Variants in ASTN1 observed in about 807,000 individuals in gnomAD.
ASTN1 encodes astrotactin 1.
ASTN1 carries 41 observed loss-of-function variants against 140.7 expected under a neutral mutation model. That is an observed-to-expected ratio of 0.29 (90% CI 0.23 to 0.38). The LOEUF (loss-of-function observed/expected upper bound fraction) is 0.38. ASTN1 is among the 10% of genes least tolerant of loss of function. The pLI is 1.00. For synonymous variants in ASTN1, 640 were observed against 652.2 expected (o/e 0.98, Z 0.29); for missense variants, 1,479 against 1,678.8 (o/e 0.88, Z 2.08).
At chr1:177,156,964 A>G (rs1683265846) in intron 1 of ASTN1, among the ~76,000 whole-genome samples, 1 of 152,234 alleles carries the variant, frequency 6.6e-6, no homozygotes, top group Non-Finnish European at 1.5e-5. Flanking sequence ...GTACCTGACT[A>G]GTATTCTTCA....
chr1:177,044,559 C>T (rs1008029353), intron 2 of ASTN1, among the ~76,000 whole-genome samples: 8 of 152,208 alleles, frequency 5.3e-5, no homozygotes, highest in East Asian at 3.9e-4. Flanking sequence ...GGAAATTGAG[C>T]GGCAGCTCTT....
At chr1:177,131,566 G>A (rs1681943780) in intron 1 of ASTN1, among the ~76,000 whole-genome samples, 1 of 151,806 alleles carries the variant, frequency 6.6e-6, no homozygotes, top group Non-Finnish European at 1.5e-5. Context: ...GGAAATTTGT[G>A]TATATTAAAT....
intron 8 of ASTN1, among the ~76,000 whole-genome samples, chr1:176,966,778 T>C (rs1285173053): frequency 6.6e-6 from 1 of 151,908 alleles, no homozygotes; most frequent in Non-Finnish European, 1.5e-5. Flanking sequence ...TTTATTGTAA[T>C]GGAGCATTAA....
intron 8 of ASTN1, chr1:176,976,009 C>T (rs981356395): frequency 1.3e-5 from 2 of 152,066 alleles, no homozygotes; most frequent in African/African-American, 2.4e-5. Context: ...TCACTGGAAC[C>T]CATTTTTTAA....
chr1:176,957,804 G>T lies in ASTN1; in HGVS notation c.1761C>A (p.Ser587=), dbSNP rs1672477881. The part of the protein sequence containing the change: ...EVREELMTSS[S]FDSLEVLLDS... ...CTAAGAGAACCTCCAGGCTGTCGAA[G>T]GAGGATGAAGTCATCAGCTCCTCTC... The change falls in exon 11 of 23, where the codon TCC becomes TCA. Residue 587 remains serine (S), a synonymous_variant. Transcript: ENST00000361833. 6.2e-7 allele frequency: 1 copy of T among 1,613,984 alleles called. No individual in the cohort carries two copies. The highest frequency in any genetic ancestry group is 8.5e-7 in the Non-Finnish European group (1 of 1,179,938).
At chr1:176,933,414 C>T (rs1240558188) in intron 16 of ASTN1, among the ~76,000 whole-genome samples, 1 of 152,228 alleles carries the variant, frequency 6.6e-6, no homozygotes, top group African/African-American at 2.4e-5. Flanking sequence ...TTGGCCTCAT[C>T]AGAATGCCAT....
intron 8 of ASTN1, among the ~76,000 whole-genome samples, chr1:177,009,203 G>C (rs1001224549): frequency 6.6e-6 from 1 of 152,156 alleles, no homozygotes; most frequent in Non-Finnish European, 1.5e-5. Context: ...TTCTTGCTCA[G>C]TTTTAGGTGG....
chr1:177,028,046 C>G (rs561925146), intron 5 of ASTN1, among the ~76,000 whole-genome samples: 1 of 152,068 alleles, frequency 6.6e-6, no homozygotes, highest in South Asian at 2.1e-4. Flanking sequence ...AGGAAAAATC[C>G]TTCACTAGGC....
intron 8 of ASTN1, among the ~76,000 whole-genome samples, chr1:176,973,112 T>G (rs1315112822): frequency 6.6e-6 from 1 of 152,098 alleles, no homozygotes; most frequent in Non-Finnish European, 1.5e-5. Flanking sequence ...ATCTCTACCC[T>G]CCTTTTCCCA....
At chr1:177,040,643 T>A (rs1676928148) in intron 2 of ASTN1, among the ~76,000 whole-genome samples, 1 of 152,242 alleles carries the variant, frequency 6.6e-6, no homozygotes, top group South Asian at 2.1e-4. Flanking sequence ...AAAGAGGCTA[T>A]GTTCTTCTCA....
intron 2 of ASTN1, among the ~76,000 whole-genome samples, chr1:177,048,082 T>G (rs1248909329): frequency 6.6e-6 from 1 of 152,190 alleles, no homozygotes; most frequent in Non-Finnish European, 1.5e-5. Flanking sequence ...TTAACTTTTT[T>G]CATTAGATGA....
chr1:177,038,334 G>C (rs1056745928), intron 2 of ASTN1, among the ~76,000 whole-genome samples: 1 of 152,200 alleles, frequency 6.6e-6, no homozygotes, highest in East Asian at 1.9e-4. Context: ...TAGACTATAG[G>C]GGGCAGGGGC....
At chr1:176,998,308 T>A (rs1674550252) in intron 8 of ASTN1, among the ~76,000 whole-genome samples, 2 of 152,186 alleles carry the variant, frequency 1.3e-5, no homozygotes, top group Admixed American at 1.3e-4. Flanking sequence ...TATTACCTAG[T>A]ATTATGTAAA....
chr1:177,054,238 C>A (rs1365149953), intron 2 of ASTN1, among the ~76,000 whole-genome samples: 2 of 152,030 alleles, frequency 1.3e-5, no homozygotes, highest in Non-Finnish European at 2.9e-5. Context: ...AATAACAAAC[C>A]CTACTTTATG....
intron 8 of ASTN1, among the ~76,000 whole-genome samples, chr1:176,969,282 C>T (rs1401399403): frequency 6.6e-6 from 1 of 152,166 alleles, no homozygotes; most frequent in Non-Finnish European, 1.5e-5. Flanking sequence ...TGCTCTGTTT[C>T]TCAGACTATG....
At chr1:176,992,029 A>G (rs1674201143) in intron 8 of ASTN1, among the ~76,000 whole-genome samples, 2 of 152,218 alleles carry the variant, frequency 1.3e-5, no homozygotes, top group Admixed American at 6.5e-5. Flanking sequence ...ATGTATTAGT[A>G]GATAATAGAA....
chr1:177,145,877 A>G (rs1682699418), intron 1 of ASTN1, among the ~76,000 whole-genome samples: 1 of 152,200 alleles, frequency 6.6e-6, no homozygotes, highest in African/African-American at 2.4e-5. Flanking sequence ...CTGAAGTACC[A>G]TGGGAGTTAG....
At chr1:176,933,799 G>A (rs975477331) in intron 16 of ASTN1, among the ~76,000 whole-genome samples, 8 of 152,110 alleles carry the variant, frequency 5.3e-5, no homozygotes, top group African/African-American at 1.2e-4. Context: ...ACTGAACCAC[G>A]CTCACTGCTG....
intron 8 of ASTN1, among the ~76,000 whole-genome samples, chr1:176,989,585 C>T (rs939870273): frequency 6.6e-6 from 1 of 152,132 alleles, no homozygotes; most frequent in African/African-American, 2.4e-5. Flanking sequence ...GTATGTGGGG[C>T]TCCCTTTATT....
Sources: gnomAD v4.1 joint callset for allele counts (sites outside exome capture counted in the v4.1 genomes callset) on GRCh38, gnomAD v4.1.1 for gene constraint, MANE v1.5 for transcripts, NCBI Gene and HGNC (gene_info 2026-07-23, HGNC 2026-07-21) for gene names.